S100Z: variants seen among roughly 807,000 people sequenced by gnomAD.
S100Z encodes the protein protein S100-Z.
Under a neutral mutation model 8.5 loss-of-function variants are expected in S100Z, and 11 were observed. That is an observed-to-expected ratio of 1.30 (90% CI 0.82 to 2.15). The LOEUF (loss-of-function observed/expected upper bound fraction) is 2.15, where lower values mean the gene tolerates loss of function less well. S100Z is among the 30% of genes most tolerant of loss of function. The pLI is 0.00. For missense variants in S100Z, 126 were observed against 117.9 expected (o/e 1.07, Z -0.32); for synonymous variants, 34 against 43.8 (o/e 0.78, Z 0.89).
At chr5:76,874,916 G>T (rs1743125377) in intron 2 of S100Z, among the ~76,000 whole-genome samples, 1 of 151,548 alleles carries the variant, frequency 6.6e-6, no homozygotes, top group South Asian at 2.1e-4. Flanking sequence ...ACGGCGTCTC[G>T]CTCTGTCGCC....
At chr5:76,908,252 G>A (rs992161343) in intron 4 of S100Z, among the ~76,000 whole-genome samples, 2 of 152,150 alleles carry the variant, frequency 1.3e-5, no homozygotes, top group Admixed American at 6.6e-5. Context: ...AAGGGTCAAC[G>A]GAGAGGAAGC....
chr5:76,922,745 G>T (rs969086728), downstream of S100Z, among the ~76,000 whole-genome samples: 1 of 152,056 alleles, frequency 6.6e-6, no homozygotes, highest in African/African-American at 2.4e-5. Context: ...GGATGGTCTT[G>T]ATCTCCTGAC....
chr5:76,884,545 A>G (rs927526453), intron 4 of S100Z, among the ~76,000 whole-genome samples: 5 of 152,182 alleles, frequency 3.3e-5, no homozygotes, highest in Non-Finnish European at 5.9e-5. Flanking sequence ...ATTCCTGTAT[A>G]TATTTAGTGG....
At chr5:76,880,974 G>T (rs1190016764) in intron 4 of S100Z, among the ~76,000 whole-genome samples, 1 of 152,202 alleles carries the variant, frequency 6.6e-6, no homozygotes, top group Non-Finnish European at 1.5e-5. Flanking sequence ...GGCTAGGAGA[G>T]AGTGACTGAG....
At chr5:76,864,269 G>A (rs1751180606) in intron 1 of S100Z, among the ~76,000 whole-genome samples, 1 of 151,918 alleles carries the variant, frequency 6.6e-6, no homozygotes. Flanking sequence ...CATGTCTGGG[G>A]CGATACTGGT....
intron 1 of S100Z, among the ~76,000 whole-genome samples, chr5:76,856,941 G>A (rs1750897346): frequency 6.6e-6 from 1 of 152,228 alleles, no homozygotes; most frequent in Non-Finnish European, 1.5e-5. Flanking sequence ...AGATAAGGCT[G>A]TGGCTTAGTA....
At chr5:76,851,867 T>C (rs75739421) in intron 1 of S100Z, among the ~76,000 whole-genome samples, 1,802 of 152,150 alleles carry the variant, frequency 0.012, 34 homozygotes, top group African/African-American at 0.041. Flanking sequence ...GAGGAAGGAA[T>C]GAGGTTAAAT....
chr5:76,952,830 T>A, the S100Z span: 4 of 371,668 alleles, frequency 1.1e-5, no homozygotes, highest in African/African-American at 6.0e-5. Flanking sequence ...TCTCCAACAC[T>A]TTAGTGCACT....
downstream of S100Z, among the ~76,000 whole-genome samples, chr5:76,923,206 G>C (rs533312356): frequency 1.2e-4 from 18 of 152,186 alleles, no homozygotes; most frequent in African/African-American, 3.9e-4. Flanking sequence ...GGTTCTTAAG[G>C]CTCCTAAATC....
chr5:76,912,930 G>C (rs1231814201), intron 4 of S100Z, among the ~76,000 whole-genome samples: 1 of 96,686 alleles, frequency 1.0e-5, no homozygotes, highest in Non-Finnish European at 2.3e-5. Flanking sequence ...TAGGGAGTCA[G>C]AGAGACAGAG....
At chr5:76,903,045 A>G (rs1006831348) in intron 4 of S100Z, among the ~76,000 whole-genome samples, 5 of 152,094 alleles carry the variant, frequency 3.3e-5, no homozygotes, top group Admixed American at 1.3e-4. Context: ...AATTAGCCAG[A>G]CATGATGGCG....
At chr5:76,900,206 G>C (rs1744182146) in intron 4 of S100Z, among the ~76,000 whole-genome samples, 1 of 152,080 alleles carries the variant, frequency 6.6e-6, no homozygotes, top group African/African-American at 2.4e-5. Context: ...AATGCCTTGA[G>C]GTAGTCTTAT....
At chr5:76,944,260 C>T in the S100Z span, among the ~76,000 whole-genome samples, 1 of 152,116 alleles carries the variant, frequency 6.6e-6, no homozygotes, top group Admixed American at 6.5e-5. Context: ...TGAGTGGTGA[C>T]GAATCCCTAG....
At chr5:76,905,783 G>T (rs1561246772) in intron 4 of S100Z, among the ~76,000 whole-genome samples, 1 of 152,114 alleles carries the variant, frequency 6.6e-6, no homozygotes, top group Non-Finnish European at 1.5e-5. Context: ...TTAAATCGAG[G>T]TTTTATGTTT....
intron 4 of S100Z, among the ~76,000 whole-genome samples, chr5:76,886,043 G>T (rs545160781): frequency 6.6e-6 from 1 of 151,638 alleles, no homozygotes; most frequent in Non-Finnish European, 1.5e-5. Context: ...GAGAGAAGGG[G>T]TGGGGAGTGC....
At chr5:76,851,011 G>T (rs1750712968) in intron 1 of S100Z, among the ~76,000 whole-genome samples, 1 of 152,152 alleles carries the variant, frequency 6.6e-6, no homozygotes, top group Non-Finnish European at 1.5e-5. Context: ...CATTTAAACT[G>T]CCTAGAAGGG....
the S100Z span, among the ~76,000 whole-genome samples, chr5:76,938,884 C>A: frequency 6.6e-6 from 1 of 152,130 alleles, no homozygotes; most frequent in Non-Finnish European, 1.5e-5. Flanking sequence ...AAATTCTAAA[C>A]CTAAACCTGA....
chr5:76,925,507 C>G (rs1364139183), downstream of S100Z, among the ~76,000 whole-genome samples: 1 of 152,168 alleles, frequency 6.6e-6, no homozygotes, highest in Non-Finnish European at 1.5e-5. Flanking sequence ...AGTCTATAGA[C>G]TCTCATTTCT....
chr5:76,862,310 A>G, intron 1 of S100Z, among the ~76,000 whole-genome samples: 1 of 152,306 alleles, frequency 6.6e-6, no homozygotes, highest in East Asian at 1.9e-4. Context: ...CGCATAAGCA[A>G]GGGAACAGAA....
Sources: allele counts gnomAD v4.1 joint callset (sites outside exome capture counted in the v4.1 genomes callset), GRCh38; gene constraint gnomAD v4.1.1; transcripts MANE v1.5; gene names NCBI Gene and HGNC (gene_info 2026-07-23, HGNC 2026-07-21).